NUP50: variants seen among roughly 807,000 people sequenced by gnomAD.
NUP50 encodes the protein nucleoporin 50, also known as nuclear pore complex protein Nup50.
A neutral mutation model predicts 36.8 loss-of-function variants in NUP50; 14 were observed. That is an observed-to-expected ratio of 0.38 (90% CI 0.25 to 0.59). The LOEUF (loss-of-function observed/expected upper bound fraction) is 0.59, where lower values mean the gene tolerates loss of function less well. Ranked by LOEUF, NUP50 falls within the 20% of genes least tolerant of loss-of-function variation. The pLI, the probability that NUP50 is intolerant of heterozygous loss-of-function variation, is 0.63. For missense variants in NUP50, 455 were observed against 564.6 expected (o/e 0.81, Z 1.97); for synonymous variants, 195 against 210.8 (o/e 0.93, Z 0.65).
At chr22:45,181,137 C>T (rs1039574890) in intron 5 of NUP50, 149 bp from the exon 6 acceptor site, 7 of 13,392 alleles carry the variant, frequency 5.2e-4, no homozygotes, top group African/African-American at 1.1e-3. Flanking sequence ...TTCTGGCATC[C>T]CCCCCCCCCC....
chr22:45,182,922 C>G (rs1326277601), intron 6 of NUP50, among the ~76,000 whole-genome samples: 2 of 150,400 alleles, frequency 1.3e-5, no homozygotes, highest in East Asian at 1.9e-4. Context: ...CGCACCTGGT[C>G]GAGGAGAATT....
At chr22:45,169,842 GGAGAT>G (rs1332207218) in intron 2 of NUP50, among the ~76,000 whole-genome samples, 2 of 152,172 alleles carry the variant, frequency 1.3e-5, no homozygotes, top group African/African-American at 4.8e-5. Context: ...CCTTCTTGTG[GGAGAT>G]TGGATATTGT....
chr22:45,166,011 A>G (rs1196759032), intron 1 of NUP50: 2 of 152,196 alleles, frequency 1.3e-5, no homozygotes, highest in East Asian at 3.9e-4. Flanking sequence ...TCACTGATCT[A>G]ATGACAGACA....
rs2074442675 is a variant in NUP50 at position 45,184,715 on chromosome 22, A to T, written c.*60A>T. ...TGCTGCTGCTTCCACCGCCCCTTAA[A>T]GTTAGTCAGTTTTTCTTCTCTTCTT... is the stretch of plus-strand genomic sequence containing the variant. On this transcript the variant is annotated 3_prime_UTR_variant, in exon 8 of 8. Transcript: ENST00000347635. 1 of 859,840 alleles carries T rather than the reference A, an allele frequency of 1.2e-6. No homozygotes were observed. Among genetic ancestry groups the T allele is most frequent in the African/African-American group, 2.8e-5 (1 of 35,236 alleles). The allele number at this position is 859,840 out of a possible 1,614,324, so 53.3% of individuals were successfully genotyped here.
At chr22:45,182,536 T>C (rs2074389468) in intron 6 of NUP50, among the ~76,000 whole-genome samples, 2 of 152,024 alleles carry the variant, frequency 1.3e-5, no homozygotes, top group Non-Finnish European at 2.9e-5. Flanking sequence ...TTGATTACTT[T>C]GTTATTAGTT....
intron 3 of NUP50, 87 bp downstream of exon 3, chr22:45,171,770 C>A: frequency 9.9e-7 from 1 of 1,013,340 alleles, no homozygotes; most frequent in Non-Finnish European, 1.5e-6. Context: ...GCAATGATAT[C>A]AACAAATGCT....
chr22:45,182,128 ATTTT>A (rs557875978), intron 6 of NUP50, among the ~76,000 whole-genome samples: 1 of 145,266 alleles, frequency 6.9e-6, no homozygotes, highest in Non-Finnish European at 1.5e-5. Flanking sequence ...CAACTTTAAG[ATTTT>A]TTTTTTTTTT....
At chr22:45,176,249 G>A (rs1197880352) in intron 4 of NUP50, among the ~76,000 whole-genome samples, 169 bp downstream of exon 4, 2 of 152,248 alleles carry the variant, frequency 1.3e-5, no homozygotes, top group Non-Finnish European at 2.9e-5. Flanking sequence ...TACAGAGTAA[G>A]TGGGTAGAGC....
At chr22:45,181,392 C>A in intron 6 of NUP50, 25 bp downstream of exon 6, 2 of 1,493,104 alleles carry the variant, frequency 1.3e-6, no homozygotes, top group Non-Finnish European at 1.8e-6. Flanking sequence ...AACCTGCTGG[C>A]GCATGTGTTT....
rs185442776 is a variant in NUP50, at chr22:45,182,394, A to G, written c.1086-1008A>G. The stretch of plus-strand genomic sequence containing the variant: ...GAAGCAGAGGTTGCAGTGAGCCAAG[A>G]TCATGCCACTGCACTCCAGCCTGGG... On this transcript the variant is annotated intron_variant, in intron 6 of 7. Coordinates refer to ENST00000347635, the MANE Select transcript of NUP50 (RefSeq NM_007172.4). Among the ~76,000 whole-genome samples the G allele has an allele frequency of 3.6e-3, 543 of 152,242 alleles. 1 individual carries two copies. The highest frequency in any genetic ancestry group is 0.013 in the African/African-American group (529 of 41,538).
chr22:45,182,491 C>T (rs1049341940), intron 6 of NUP50, among the ~76,000 whole-genome samples: 2 of 152,044 alleles, frequency 1.3e-5, no homozygotes, highest in African/African-American at 4.8e-5. Flanking sequence ...TTAATAACCT[C>T]AGGAGATGCA....
rs532502291 is a variant in NUP50, at chr22:45,186,055, T to C, written c.*1400T>C. 2 of 152,328 alleles carry C rather than the reference T, an allele frequency of 1.3e-5. No homozygotes were observed. Among genetic ancestry groups the C allele is most frequent in the East Asian group, 3.9e-4 (2 of 5,188 alleles). The allele number at this position is 152,328 out of a possible 1,614,324, so 9.4% of individuals were successfully genotyped here. ...AAAACTACAGTCTTTAGGTGTAAGG[T>C]TTGGCGCCGGGAGCAATTTTATGAT... On this transcript the variant is annotated 3_prime_UTR_variant, in exon 8 of 8. Coordinates refer to ENST00000347635, the MANE Select transcript of NUP50 (RefSeq NM_007172.4).
At chr22:45,170,615 G>A (rs532842424) in intron 2 of NUP50, among the ~76,000 whole-genome samples, 2 of 152,176 alleles carry the variant, frequency 1.3e-5, no homozygotes, top group Non-Finnish European at 2.9e-5. Context: ...TCCCAAGGAT[G>A]TGAGTGTTTT....
At chr22:45,183,669 C>A in intron 7 of NUP50, 149 bp downstream of exon 7, 1 of 630,696 alleles carries the variant, frequency 1.6e-6, no homozygotes, top group South Asian at 1.9e-5. Flanking sequence ...AGTTTTGAGT[C>A]CCAGGATAAT....
At chr22:45,170,748 T>C (rs760454917) in intron 2 of NUP50, among the ~76,000 whole-genome samples, 38 of 152,342 alleles carry the variant, frequency 2.5e-4, no homozygotes, top group South Asian at 1.2e-3. Context: ...TAGTAACATC[T>C]AGATTACCAT....
Position 45,171,671 on chromosome 22 carries a change from T to C in NUP50, c.141T>C (p.Asn47=). The change falls in exon 3 of 8, where the codon AAT becomes AAC. Residue 47 remains asparagine, a synonymous_variant. Transcript: ENST00000347635. ...CCATAAAGAAAGCAAAGCGCAGAAA[T>C]GTTGGATTTGAAGTGAGTGCCCCCT... ...NRAIKKAKRR[N]VGFESDTGGA... is the part of the protein sequence containing the mutation. 6.2e-7 allele frequency: 1 copy of C among 1,614,062 alleles called. No homozygotes were observed. Among genetic ancestry groups the C allele is most frequent in the Non-Finnish European group, 8.5e-7 (1 of 1,179,962 alleles).
At chr22:45,173,338 G>GTTTT (rs132885) in intron 3 of NUP50, among the ~76,000 whole-genome samples, 5 of 134,950 alleles carry the variant, frequency 3.7e-5, no homozygotes, top group African/African-American at 1.4e-4. Flanking sequence ...AACTTCAGGT[G>GTTTT]TTTTTTTTTT....
chr22:45,182,845 C>T (rs1247995185), intron 6 of NUP50, among the ~76,000 whole-genome samples: 2 of 151,888 alleles, frequency 1.3e-5, no homozygotes, highest in East Asian at 3.9e-4. Context: ...AGGATGGTCT[C>T]AATCTCCTGA....
intron 1 of NUP50, chr22:45,166,566 C>G (rs1023213319): frequency 6.6e-6 from 1 of 152,006 alleles, no homozygotes; most frequent in African/African-American, 2.4e-5. Flanking sequence ...GGATTACAGG[C>G]GTGAGGCACT....
Sources: gnomAD v4.1 joint callset for allele counts (sites outside exome capture counted in the v4.1 genomes callset) on GRCh38, gnomAD v4.1.1 for gene constraint, MANE v1.5 for transcripts, NCBI Gene and HGNC (gene_info 2026-07-23, HGNC 2026-07-21) for gene names.